KIAA0930: variants seen among roughly 807,000 people sequenced by gnomAD.
The protein encoded by KIAA0930 is uncharacterized protein KIAA0930.
Under a neutral mutation model 43.9 loss-of-function variants are expected in KIAA0930, and 24 were observed. The observed-to-expected ratio is 0.55, with a 90% CI of 0.40 to 0.77. The LOEUF (loss-of-function observed/expected upper bound fraction) is 0.77, where lower values mean the gene tolerates loss of function less well. Among genes scored for constraint, KIAA0930 ranks in the 30% least tolerant of loss-of-function variants. The pLI is 0.00. For missense variants in KIAA0930, 461 were observed against 574.2 expected, an observed-to-expected ratio of 0.80 and a Z score of 2.02; for synonymous variants, 259 against 216.4, an observed-to-expected ratio of 1.20 and a Z score of -1.73.
At chr22:45,199,818 G>T in intron 8 of KIAA0930, 55 bp downstream of exon 8, 2 of 1,405,152 alleles carry the variant, frequency 1.4e-6, no homozygotes, top group Non-Finnish European at 1.9e-6. Flanking sequence ...GACTGGTCTG[G>T]ATCAAGAAGA....
At chr22:45,220,403 G>C (rs573110877) in intron 1 of KIAA0930, among the ~76,000 whole-genome samples, 1 of 151,634 alleles carries the variant, frequency 6.6e-6, no homozygotes, top group Non-Finnish European at 1.5e-5. Context: ...TGCAGTGATC[G>C]AGATCGGGCC....
intron 1 of KIAA0930, 43 bp downstream of exon 1, chr22:45,240,597 G>A: frequency 7.0e-7 from 1 of 1,419,282 alleles, no homozygotes; most frequent in Non-Finnish European, 9.6e-7. Flanking sequence ...CCCCGGAGAC[G>A]CTCACCTCTC....
At chr22:45,238,134 G>C (rs575542391) in intron 1 of KIAA0930, among the ~76,000 whole-genome samples, 123 of 151,428 alleles carry the variant, frequency 8.1e-4, no homozygotes, top group African/African-American at 2.9e-3. Flanking sequence ...CCTCATGTTA[G>C]CCAGGCTGGT....
chr22:45,235,190 A>T (rs891796009), intron 1 of KIAA0930: 1 of 152,284 alleles, frequency 6.6e-6, no homozygotes, highest in Non-Finnish European at 1.5e-5. Flanking sequence ...AGAAGGCTGG[A>T]AGCTGGAGGC....
chr22:45,219,095 A>T (rs1680775673), intron 1 of KIAA0930, among the ~76,000 whole-genome samples: 1 of 152,174 alleles, frequency 6.6e-6, no homozygotes, highest in South Asian at 2.1e-4. Context: ...ACAATATGGG[A>T]TGGGGGAAGA....
intron 2 of KIAA0930, 89 bp downstream of exon 2, chr22:45,211,867 C>T: frequency 5.3e-6 from 7 of 1,332,604 alleles, no homozygotes; most frequent in Non-Finnish European, 7.3e-6. Flanking sequence ...TGCATGAGCA[C>T]TGTAGGAAAG....
chr22:45,199,183 C>G (rs2083563806), intron 8 of KIAA0930, among the ~76,000 whole-genome samples: 1 of 152,168 alleles, frequency 6.6e-6, no homozygotes. Flanking sequence ...TGCTTAAAAC[C>G]CCTCAGAGGC....
At chr22:45,234,753 G>A (rs1292129045) in intron 1 of KIAA0930, among the ~76,000 whole-genome samples, 7 of 152,320 alleles carry the variant, frequency 4.6e-5, no homozygotes, top group South Asian at 2.1e-4. Context: ...AGTAAATCAC[G>A]GCATTGCCCA....
intron 8 of KIAA0930, chr22:45,198,151 C>A: frequency 1.7e-6 from 1 of 579,376 alleles, no homozygotes; most frequent in Non-Finnish European, 3.1e-6. Flanking sequence ...CTGGCCCAGA[C>A]CCAGGCCTCC....
intron 1 of KIAA0930, among the ~76,000 whole-genome samples, chr22:45,223,849 GAGCACCCAGGATCAGCACCAGATA>G (rs2083782552): frequency 2.4e-5 from 2 of 83,894 alleles, no homozygotes; most frequent in African/African-American, 9.5e-5. Flanking sequence ...AGCACCAGAT[GAGCACCCAGGATCAGCACCAGATA>G]AGCACCCAGG....
chr22:45,240,606 T>G lies in KIAA0930; in HGVS notation c.64+34A>C, dbSNP rs1025595317. On this transcript the variant is annotated intron_variant, in intron 1 of 9. Coordinates refer to ENST00000336156, the MANE Select transcript of KIAA0930 (RefSeq NM_001009880.2). ...AGGCGGCCCCGGAGACGCTCACCTC[T>G]CCCGGCCCGGCCTCGCCCCCGGGTC... 3.4e-6 allele frequency: 5 copies of G among 1,485,254 alleles called. No individual in the cohort carries two copies. The African/African-American group carries it at 4.2e-5, about 12-fold the overall frequency. 92.0% of individuals were successfully genotyped at this position (1,485,254 alleles called of 1,614,324 possible).
chr22:45,197,269 G>A (rs1235213192), intron 9 of KIAA0930, 53 bp from the exon 10 acceptor site: 1 of 1,498,538 alleles, frequency 6.7e-7, no homozygotes, highest in African/African-American at 1.4e-5. Flanking sequence ...ACAGCGGTGA[G>A]TGCTATGGTC....
At position 45,213,310 on chromosome 22, in the gene KIAA0930, G is replaced by A. The variant is rs189225417; in HGVS notation, c.65-1203C>T. The A allele has an allele frequency of 7.2e-5, 94 of 1,303,186 alleles. No individual in the cohort carries two copies. In the African/African-American group the frequency reaches 1.3e-3, roughly 18 times the overall value. The allele number at this position is 1,303,186 out of a possible 1,614,324, so 80.7% of individuals were successfully genotyped here. A position where few individuals can be genotyped will look rare whatever the true frequency, so the allele number is the denominator to read the frequency against. ...TGCCCTCAGCCCTCTGCCCAACAGT[G>A]TGTTGCTCACCCACTCCCATGCCCT... On this transcript the variant is annotated intron_variant, in intron 1 of 9. Coordinates refer to ENST00000336156, the MANE Select transcript of KIAA0930 (RefSeq NM_001009880.2).
intron 1 of KIAA0930, 186 bp from the exon 2 acceptor site, chr22:45,212,293 C>T (rs1224229040): frequency 1.9e-6 from 3 of 1,613,052 alleles, no homozygotes; most frequent in Non-Finnish European, 2.5e-6. Context: ...GGCTGGAGGA[C>T]ACCTCCCAGG....
intron 1 of KIAA0930, 198 bp from the exon 2 acceptor site, chr22:45,212,305 G>C (rs376513333): frequency 3.7e-6 from 6 of 1,612,800 alleles, no homozygotes; most frequent in Non-Finnish European, 5.1e-6. Flanking sequence ...CCTCCCAGGA[G>C]GCCCAGTTCC....
chr22:45,216,601 A>G (rs532852721), intron 1 of KIAA0930, among the ~76,000 whole-genome samples: 2 of 152,246 alleles, frequency 1.3e-5, no homozygotes, highest in African/African-American at 2.4e-5. Flanking sequence ...TTCTCCCACA[A>G]GCAAACCCCT....
In KIAA0930 at chr22:45,205,612, T is replaced by C. The variant is rs1197513972; in HGVS notation, c.414+18A>G. On this transcript the variant is annotated intron_variant, in intron 4 of 9. Coordinates refer to ENST00000336156, the MANE Select transcript of KIAA0930 (RefSeq NM_001009880.2). ...AACTGGCAGTTAGGAGGCTGGGGGC[T>C]CTCGTGCCAGGGCTCACCTGAGATT... The C allele has an allele frequency of 6.2e-7, 1 of 1,612,716 alleles. No individual in the cohort carries two copies. Among genetic ancestry groups the C allele is most frequent in the Admixed American group, 1.7e-5 (1 of 60,006 alleles).
chr22:45,235,557 C>G (rs571242107), intron 1 of KIAA0930: 1 of 152,256 alleles, frequency 6.6e-6, no homozygotes, highest in African/African-American at 2.4e-5. Context: ...CCAAGGAGTG[C>G]AGGGAGAGCT....
chr22:45,205,277 C>A lies in KIAA0930; in HGVS notation c.456G>T (p.Lys152Asn). The A allele has an allele frequency of 1.9e-6, 3 of 1,614,176 alleles. No individual in the cohort carries two copies. Among genetic ancestry groups the A allele is most frequent in the Non-Finnish European group, 2.5e-6 (3 of 1,180,020 alleles). Residue 152 changes from lysine (K) to asparagine (N), a missense_variant, in exon 5 of 10, where the codon AAG becomes AAT. Coordinates refer to ENST00000336156, the MANE Select transcript of KIAA0930 (RefSeq NM_001009880.2). Reference sequence around the variant, plus strand: ...GGTAGCTGATCTTGGACTCCTCCCCCTTGCTGTCCATGGGGTGTTTACTGG... The same window carrying A: ...GGTAGCTGATCTTGGACTCCTCCCCATTGCTGTCCATGGGGTGTTTACTGG... ...ASPSKHPMDS[K>N]GEESKISYPN...
Sources: gnomAD v4.1 joint callset for allele counts (sites outside exome capture counted in the v4.1 genomes callset) on GRCh38, gnomAD v4.1.1 for gene constraint, MANE v1.5 for transcripts, NCBI Gene and HGNC (gene_info 2026-07-23, HGNC 2026-07-21) for gene names.